Variants in HMGA2 observed in about 807,000 individuals in gnomAD.
HMGA2 encodes the protein high mobility group AT-hook 2.
Under a neutral mutation model 19.1 loss-of-function variants are expected in HMGA2, and 8 were observed. The observed-to-expected ratio is 0.42, with a 90% CI of 0.25 to 0.76. The LOEUF (loss-of-function observed/expected upper bound fraction) is 0.76. HMGA2 is among the 30% of genes least tolerant of loss of function. The pLI is 0.28. For synonymous variants in HMGA2, 60 were observed against 48.8 expected (o/e 1.23, Z -0.96); for missense variants, 109 against 136.3 (o/e 0.80, Z 1.00).
At chr12:65,894,611 A>G (rs1438326424) in intron 3 of HMGA2, among the ~76,000 whole-genome samples, 1 of 152,248 alleles carries the variant, frequency 6.6e-6, no homozygotes, top group Non-Finnish European at 1.5e-5. Flanking sequence ...AAAATGCATC[A>G]GGAAAGTATG....
At chr12:65,859,918 T>TAA (rs572396261) in intron 3 of HMGA2, 1,026 of 218,826 alleles carry the variant, frequency 4.7e-3, no homozygotes, top group East Asian at 0.011. Flanking sequence ...GCCCCATCTC[T>TAA]AAAAAAAAAA....
At chr12:65,865,115 C>T (rs748779309) in intron 3 of HMGA2, among the ~76,000 whole-genome samples, 1 of 152,134 alleles carries the variant, frequency 6.6e-6, no homozygotes, top group Non-Finnish European at 1.5e-5. Context: ...AATTTTCTCT[C>T]TTGCTTGTCT....
intron 3 of HMGA2, among the ~76,000 whole-genome samples, chr12:65,911,403 T>A (rs1874840200): frequency 6.6e-6 from 1 of 152,174 alleles, no homozygotes; most frequent in Non-Finnish European, 1.5e-5. Context: ...TCTAAAAACC[T>A]TAATATGCTT....
chr12:65,825,035 G>C lies in HMGA2; in HGVS notation c.-236G>C, dbSNP rs1592366200. 4.6e-6 allele frequency: 2 copies of C among 433,130 alleles called. No individual in the cohort carries two copies. Among genetic ancestry groups the C allele is most frequent in the Admixed American group, 4.5e-5 (1 of 22,326 alleles). The allele number at this position is 433,130 out of a possible 1,614,324, so 26.8% of individuals were successfully genotyped here. On this transcript the variant is annotated 5_prime_UTR_variant, in exon 1 of 5. Transcript: ENST00000403681. The surrounding 1 kb of genome is among the most constrained non-coding windows in gnomAD (Gnocchi z 4.4). Reference sequence around the variant, plus strand: ...CACCGCCGCCGCCGCCACCGGCAGCGCCTCCTCCTCTCCTCCTCCTCCTCC... The same window carrying C: ...CACCGCCGCCGCCGCCACCGGCAGCCCCTCCTCCTCTCCTCCTCCTCCTCC...
intron 2 of HMGA2, among the ~76,000 whole-genome samples, chr12:65,833,357 C>A (rs149207490): frequency 2.6e-4 from 39 of 150,696 alleles, no homozygotes; most frequent in Non-Finnish European, 4.1e-4. Flanking sequence ...GGGCTTCATG[C>A]AAATCAAGAT....
intron 3 of HMGA2, among the ~76,000 whole-genome samples, chr12:65,862,038 T>A (rs1279352202): frequency 6.6e-6 from 1 of 151,814 alleles, no homozygotes; most frequent in Non-Finnish European, 1.5e-5. Flanking sequence ...AGAGACGGGG[T>A]TTCACCATGT....
intron 3 of HMGA2, among the ~76,000 whole-genome samples, chr12:65,864,181 C>T (rs968209615): frequency 1.3e-5 from 2 of 152,096 alleles, no homozygotes; most frequent in Admixed American, 6.6e-5. Flanking sequence ...CCATTTCCAT[C>T]GTGCTTATTT....
At chr12:65,866,975 G>A (rs1467281539) in intron 3 of HMGA2, 2 of 456,628 alleles carry the variant, frequency 4.4e-6, no homozygotes, top group South Asian at 3.1e-5. Context: ...GAGAGATTGA[G>A]AGATTGAAGG....
At chr12:65,838,186 G>T (rs543918222) in intron 2 of HMGA2, among the ~76,000 whole-genome samples, 55 of 151,964 alleles carry the variant, frequency 3.6e-4, no homozygotes, top group Middle Eastern at 3.4e-3. Context: ...CAGAATGTGG[G>T]GATAATGTTT....
At chr12:65,836,032 A>G (rs1016864055) in intron 2 of HMGA2, among the ~76,000 whole-genome samples, 1 of 152,152 alleles carries the variant, frequency 6.6e-6, no homozygotes, top group Non-Finnish European at 1.5e-5. Flanking sequence ...GCCTCATTCT[A>G]AAGGTGACAG....
At chr12:65,893,847 A>G (rs1357301074) in intron 3 of HMGA2, among the ~76,000 whole-genome samples, 1 of 152,214 alleles carries the variant, frequency 6.6e-6, no homozygotes, top group Non-Finnish European at 1.5e-5. Context: ...CTGTATTTAG[A>G]GTATAGCCTT....
At chr12:65,952,680 A>G (rs2121315466) in intron 4 of HMGA2, 2 of 354,472 alleles carry the variant, frequency 5.6e-6, no homozygotes, top group East Asian at 4.8e-5. Flanking sequence ...GGAGAACCCA[A>G]ATATATTTAG....
intron 3 of HMGA2, among the ~76,000 whole-genome samples, chr12:65,870,277 G>A (rs997838925): frequency 2.6e-5 from 4 of 152,318 alleles, no homozygotes; most frequent in East Asian, 1.9e-4. Context: ...AACCTTGTAC[G>A]AGCCTTGTAA....
At chr12:65,873,631 G>A (rs1872820059) in intron 3 of HMGA2, among the ~76,000 whole-genome samples, 2 of 152,000 alleles carry the variant, frequency 1.3e-5, no homozygotes, top group Admixed American at 1.3e-4. Flanking sequence ...GTCTACATGT[G>A]TTTTATGATG....
At chr12:65,832,476 A>G (rs2120845068) in intron 2 of HMGA2, among the ~76,000 whole-genome samples, 1 of 152,124 alleles carries the variant, frequency 6.6e-6, no homozygotes, top group East Asian at 1.9e-4. Context: ...GATAGAATAT[A>G]CCAGATTGGT....
chr12:65,899,613 G>T (rs986363208), intron 3 of HMGA2, among the ~76,000 whole-genome samples: 10 of 152,214 alleles, frequency 6.6e-5, no homozygotes, highest in Non-Finnish European at 1.3e-4. Flanking sequence ...CTTTCCGAAT[G>T]CTGGTTAAGG....
chr12:65,907,441 T>C (rs888104426), intron 3 of HMGA2, among the ~76,000 whole-genome samples: 1 of 127,894 alleles, frequency 7.8e-6, no homozygotes, highest in Non-Finnish European at 1.7e-5. Flanking sequence ...AGGTGGGGGG[T>C]AAAGTGCTCT....
At chr12:65,952,701 T>C in intron 4 of HMGA2, 2 of 290,760 alleles carry the variant, frequency 6.9e-6, no homozygotes, top group Non-Finnish European at 6.4e-6. Flanking sequence ...CCTCTCATCC[T>C]TTAACTGTAC....
intron 3 of HMGA2, among the ~76,000 whole-genome samples, chr12:65,869,559 G>C (rs1232830867): frequency 2.0e-5 from 3 of 152,198 alleles, no homozygotes; most frequent in Non-Finnish European, 4.4e-5. Context: ...AAATGGGCTA[G>C]AGATAGCAGC....
Sources: gnomAD v4.1 joint callset for allele counts (sites outside exome capture counted in the v4.1 genomes callset) on GRCh38, gnomAD v4.1.1 for gene constraint, Gnocchi (gnomAD v3.1) non-coding constraint, MANE v1.5 for transcripts, NCBI Gene and HGNC (gene_info 2026-07-23, HGNC 2026-07-21) for gene names.